IGSF11: variants seen among roughly 807,000 people sequenced by gnomAD.
IGSF11 encodes CXADR like 1.
Under a neutral mutation model 41.0 loss-of-function variants are expected in IGSF11, and 22 were observed. The ratio of observed to expected loss-of-function variants is 0.54; its 90% CI spans 0.38 to 0.77. IGSF11 has a LOEUF of 0.77. Among genes scored for constraint, IGSF11 ranks in the 30% least tolerant of loss-of-function variants. The pLI is 0.00. For missense variants in IGSF11, 444 were observed against 530.8 expected (o/e 0.84, Z 1.61); for synonymous variants, 219 against 201.3 (o/e 1.09, Z -0.74).
chr3:119,114,415 T>C (rs550912356), intron 1 of IGSF11, among the ~76,000 whole-genome samples: 21 of 152,328 alleles, frequency 1.4e-4, no homozygotes, highest in African/African-American at 4.8e-4. Context: ...ATTTTGTCAC[T>C]TAGAAATTTC....
chr3:119,116,884 C>A (rs950027439), intron 1 of IGSF11, among the ~76,000 whole-genome samples: 3 of 152,222 alleles, frequency 2.0e-5, no homozygotes, highest in South Asian at 4.1e-4. Flanking sequence ...TGTAGCCCCA[C>A]CCAGAAGTGA....
intron 1 of IGSF11, among the ~76,000 whole-genome samples, chr3:119,079,721 TG>T (rs2076558303): frequency 6.6e-6 from 1 of 152,232 alleles, no homozygotes; most frequent in Non-Finnish European, 1.5e-5. Context: ...AATGAAGTCA[TG>T]TCCTTTGCAG....
At chr3:119,048,349 A>G (rs1941461343) in intron 1 of IGSF11, among the ~76,000 whole-genome samples, 2 of 152,020 alleles carry the variant, frequency 1.3e-5, no homozygotes, top group Non-Finnish European at 2.9e-5. Flanking sequence ...ACAAACTACC[A>G]TCAGAGAATA....
chr3:118,917,591 G>T (rs1402601691), intron 4 of IGSF11, among the ~76,000 whole-genome samples: 1 of 110,204 alleles, frequency 9.1e-6, no homozygotes, highest in Admixed American at 9.6e-5. Context: ...CCAATAACAG[G>T]AGCTGAAATT....
intron 1 of IGSF11, among the ~76,000 whole-genome samples, chr3:118,952,177 T>C (rs147771839): frequency 6.6e-6 from 1 of 152,294 alleles, no homozygotes; most frequent in African/African-American, 2.4e-5. Context: ...CTAACGATCA[T>C]CTGAGCCTTC....
chr3:119,054,685 T>C lies in IGSF11; in HGVS notation c.49+50459A>G, dbSNP rs962009663. On this transcript the variant is annotated intron_variant, in intron 1 of 6. Coordinates refer to the IGSF11 transcript ENST00000354673. ...TGCAGCAATCCTACTACTGGTTATC[T>C]GCACAGAGGAAAAGAAGTAATTATA... Among the ~76,000 whole-genome samples, 6 of 152,340 alleles carry C rather than the reference T, an allele frequency of 3.9e-5. 1 individual carries two copies. The highest frequency in any genetic ancestry group is 3.8e-4 in the East Asian group (2 of 5,196).
intron 1 of IGSF11, among the ~76,000 whole-genome samples, chr3:119,006,257 G>A (rs1436506791): frequency 9.3e-5 from 11 of 118,198 alleles, no homozygotes; most frequent in East Asian, 4.5e-4. Context: ...TGATCGCATC[G>A]GCTCCTGAGG....
chr3:119,068,927 C>CTTTTTTTTT (rs574659492), intron 1 of IGSF11, among the ~76,000 whole-genome samples: 1 of 81,018 alleles, frequency 1.2e-5, no homozygotes, highest in Non-Finnish European at 2.2e-5. Context: ...TTTTTTTTTT[C>CTTTTTTTTT]TTTTTTTTTT....
chr3:118,911,305 A>T (rs949748801), intron 4 of IGSF11, among the ~76,000 whole-genome samples: 1 of 152,192 alleles, frequency 6.6e-6, no homozygotes, highest in African/African-American at 2.4e-5. Context: ...CATCTTGATG[A>T]AGGAGAAATA....
rs953413412 is a variant in IGSF11 at position 118,900,772 on chromosome 3, C to T, written c.*1748G>A. 1.3e-5 allele frequency: 2 copies of T among 152,376 alleles called. No homozygotes were observed. The highest frequency in any genetic ancestry group is 2.9e-5 in the Non-Finnish European group (2 of 67,992). 9.4% of individuals were successfully genotyped at this position (152,376 alleles called of 1,614,324 possible). A position where few individuals can be genotyped will look rare whatever the true frequency, so the allele number is the denominator to read the frequency against. On this transcript the variant is annotated 3_prime_UTR_variant, in exon 7 of 7. Coordinates refer to ENST00000393775, the MANE Select transcript of IGSF11 (RefSeq NM_001015887.3). ...CACTTTTCTTTATAAAAAGTATAGA[C>T]ATTCATTTATTTAAATTTTTACAAA...
At chr3:118,955,593 A>G (rs577876685) in intron 1 of IGSF11, among the ~76,000 whole-genome samples, 2 of 152,268 alleles carry the variant, frequency 1.3e-5, no homozygotes, top group South Asian at 2.1e-4. Flanking sequence ...TGCATTGTCA[A>G]TGAGCATTAA....
chr3:119,001,463 TTTTC>T (rs1158874707), intron 1 of IGSF11, among the ~76,000 whole-genome samples: 3 of 123,318 alleles, frequency 2.4e-5, no homozygotes, highest in South Asian at 2.7e-4. Flanking sequence ...TGGCCCCAGG[TTTTC>T]TTTTTTTTTT....
intron 1 of IGSF11, among the ~76,000 whole-genome samples, chr3:119,125,870 C>T (rs2077397533): frequency 6.6e-6 from 1 of 152,196 alleles, no homozygotes; most frequent in African/African-American, 2.4e-5. Flanking sequence ...AGTGAGCATG[C>T]TACCCAGCTG....
intron 1 of IGSF11, among the ~76,000 whole-genome samples, chr3:119,067,631 CTT>C (rs1942272964): frequency 6.6e-6 from 1 of 151,670 alleles, no homozygotes; most frequent in South Asian, 2.1e-4. Flanking sequence ...GGGGAAAAAA[CTT>C]TAGATTTTTT....
At chr3:118,950,262 G>T (rs1035386414) in intron 1 of IGSF11, among the ~76,000 whole-genome samples, 1 of 151,962 alleles carries the variant, frequency 6.6e-6, no homozygotes, top group African/African-American at 2.4e-5. Flanking sequence ...TAGCCCTAAG[G>T]GATCTGATCC....
intron 1 of IGSF11, among the ~76,000 whole-genome samples, chr3:119,040,600 A>C (rs1941082775): frequency 6.6e-6 from 1 of 152,228 alleles, no homozygotes; most frequent in South Asian, 2.1e-4. Context: ...GTATTCTGTC[A>C]TTAACATAGT....
rs141209831 is a variant in IGSF11 at position 119,048,175 on chromosome 3, C to G, written c.49+56969G>C. Among the ~76,000 whole-genome samples, 523 of 152,232 alleles carry G rather than the reference C, an allele frequency of 3.4e-3. 6 individuals are homozygous for G. Among genetic ancestry groups the G allele is most frequent in the Admixed American group, 8.6e-3 (132 of 15,286 alleles). ...AGCAGAACTGAAGGAAATAGTGACA[C>G]ACAAAACGCTTCAAAAAATTAATGA... On this transcript the variant is annotated intron_variant, in intron 1 of 6. Coordinates refer to the IGSF11 transcript ENST00000354673.
intron 1 of IGSF11, among the ~76,000 whole-genome samples, chr3:119,114,679 T>C (rs2077231757): frequency 6.6e-6 from 1 of 152,224 alleles, no homozygotes. Flanking sequence ...CTTCTTGTCT[T>C]TTTCTGAGCC....
At chr3:119,001,721 G>GTTT (rs1936893763) in intron 1 of IGSF11, among the ~76,000 whole-genome samples, 2 of 149,376 alleles carry the variant, frequency 1.3e-5, no homozygotes, top group Admixed American at 1.3e-4. Flanking sequence ...AATATGCAGT[G>GTTT]TTTGGTTTTT....
Sources: gnomAD v4.1 joint callset for allele counts (sites outside exome capture counted in the v4.1 genomes callset) on GRCh38, gnomAD v4.1.1 for gene constraint, MANE v1.5 for transcripts, NCBI Gene and HGNC (gene_info 2026-07-23, HGNC 2026-07-21) for gene names.